The following KCNIP4 variants were observed in gnomAD, a reference collection of about 807,000 sequenced individuals.
The protein encoded by KCNIP4 is potassium voltage-gated channel interacting protein 4.
A neutral mutation model predicts 34.0 loss-of-function variants in KCNIP4; 12 were observed. That is an observed-to-expected ratio of 0.35 (90% confidence interval 0.23 to 0.57). The LOEUF (loss-of-function observed/expected upper bound fraction) is 0.57. Ranked by LOEUF, KCNIP4 falls within the 20% of genes least tolerant of loss-of-function variation. The pLI is 0.83. For missense variants in KCNIP4, 238 were observed against 311.7 expected (o/e 0.76, Z 1.78); for synonymous variants, 124 against 102.2 (o/e 1.21, Z -1.29).
intron 1 of KCNIP4, among the ~76,000 whole-genome samples, chr4:21,397,885 TA>T (rs74644223): frequency 0.22 from 32,753 of 152,164 alleles, 4,317 homozygotes; most frequent in Non-Finnish European, 0.3. Context: ...TTAAAATTCA[TA>T]AAAATGACAT....
chr4:21,741,772 C>T (rs1309898088), intron 1 of KCNIP4, among the ~76,000 whole-genome samples: 2 of 152,116 alleles, frequency 1.3e-5, no homozygotes, highest in African/African-American at 4.8e-5. Context: ...GGCGTGGTGG[C>T]TCATGCCTGT....
intron 1 of KCNIP4, among the ~76,000 whole-genome samples, chr4:21,564,534 T>G (rs1323546046): frequency 6.6e-6 from 1 of 152,166 alleles, no homozygotes; most frequent in Non-Finnish European, 1.5e-5. Flanking sequence ...ATGCCCATGA[T>G]CTTAAAAGCA....
At chr4:21,147,098 G>C (rs575538298) in intron 1 of KCNIP4, among the ~76,000 whole-genome samples, 1 of 152,260 alleles carries the variant, frequency 6.6e-6, no homozygotes, top group African/African-American at 2.4e-5. Flanking sequence ...TCTGGCTTCC[G>C]GTTGGGCTCA....
At chr4:21,908,294 A>G (rs1728108857) in intron 1 of KCNIP4, among the ~76,000 whole-genome samples, 1 of 151,762 alleles carries the variant, frequency 6.6e-6, no homozygotes, top group South Asian at 2.1e-4. Context: ...TTCATTCCCT[A>G]TTGCTCCAAG....
chr4:21,147,155 G>A (rs1429003683), intron 1 of KCNIP4, among the ~76,000 whole-genome samples: 1 of 152,088 alleles, frequency 6.6e-6, no homozygotes, highest in Non-Finnish European at 1.5e-5. Flanking sequence ...AGGTATTCAA[G>A]ATCCCTCCCT....
chr4:21,325,336 ATG>A (rs1714928418), intron 1 of KCNIP4, among the ~76,000 whole-genome samples: 1 of 151,682 alleles, frequency 6.6e-6, no homozygotes, highest in African/African-American at 2.4e-5. Context: ...AGTAGGATGT[ATG>A]TGTCTGTGAA....
intron 1 of KCNIP4, among the ~76,000 whole-genome samples, chr4:21,935,361 C>T (rs1729797968): frequency 6.6e-6 from 1 of 152,030 alleles, no homozygotes; most frequent in African/African-American, 2.4e-5. Context: ...CCTCAGAAAC[C>T]TTAAATGCCT....
At chr4:21,795,507 A>G (rs894601081) in intron 1 of KCNIP4, among the ~76,000 whole-genome samples, 1 of 152,222 alleles carries the variant, frequency 6.6e-6, no homozygotes, top group African/African-American at 2.4e-5. Flanking sequence ...CTTTTCAGAC[A>G]CGGAAAAATT....
chr4:20,938,117 T>G (rs1451750673), intron 1 of KCNIP4, among the ~76,000 whole-genome samples: 1 of 152,128 alleles, frequency 6.6e-6, no homozygotes, highest in Non-Finnish European at 1.5e-5. Flanking sequence ...CTAATGAAAC[T>G]GTCACTTTGA....
intron 4 of KCNIP4, among the ~76,000 whole-genome samples, chr4:20,756,586 G>A (rs73240300): frequency 0.058 from 8,788 of 151,756 alleles, 340 homozygotes; most frequent in Non-Finnish European, 0.09. Flanking sequence ...GTCTCTATTG[G>A]TTGTCGCTGT....
At chr4:21,146,144 A>G (rs1260383376) in intron 1 of KCNIP4, among the ~76,000 whole-genome samples, 2 of 152,300 alleles carry the variant, frequency 1.3e-5, no homozygotes, top group East Asian at 1.9e-4. Flanking sequence ...CACGCCTGTA[A>G]CCCCATCACT....
chr4:21,814,900 A>G (rs1023221803), intron 1 of KCNIP4, among the ~76,000 whole-genome samples: 3 of 152,218 alleles, frequency 2.0e-5, no homozygotes, highest in African/African-American at 7.2e-5. Flanking sequence ...ACTTGTTTCC[A>G]TAAAACTAAG....
At position 21,151,138 on chromosome 4, in the gene KCNIP4, T is replaced by C. The variant is rs1338133511; in HGVS notation, c.62-268429A>G. On this transcript the variant is annotated intron_variant, in intron 1 of 8. Coordinates refer to ENST00000382152, the MANE Select transcript of KCNIP4 (RefSeq NM_025221.6). ...GGAAATACCTGTGTTAGAAGACTTG[T>C]GAAAGAAACCTTTGTTCTTTCACAC... is the stretch of plus-strand genomic sequence containing the variant. Among the ~76,000 whole-genome samples the C allele has an allele frequency of 2.6e-5, 4 of 152,178 alleles. No homozygotes were observed. The East Asian group carries it at 7.7e-4, about 29-fold the overall frequency.
Position 21,289,137 on chromosome 4 carries a change from A to G in KCNIP4, c.62-406428T>C, listed in dbSNP as rs551232782. 3.3e-3 allele frequency among the ~76,000 whole-genome samples: 504 copies of G among 152,294 alleles called. 5 individuals are homozygous for G. Among genetic ancestry groups the G allele is most frequent in the African/African-American group, 0.011 (471 of 41,552 alleles). Reference sequence around the variant, plus strand: ...TATCTTATTTAGTTTAGATTCTAAAACCATAGCATGTTTTTATTAATTTTT... The same window carrying G: ...TATCTTATTTAGTTTAGATTCTAAAGCCATAGCATGTTTTTATTAATTTTT... On this transcript the variant is annotated intron_variant, in intron 1 of 8. Transcript: ENST00000382152.
chr4:21,442,134 A>G (rs1273763411), intron 1 of KCNIP4, among the ~76,000 whole-genome samples: 2 of 152,188 alleles, frequency 1.3e-5, no homozygotes, highest in East Asian at 1.9e-4. Flanking sequence ...TGTACTCTGC[A>G]CTACTATCTT....
chr4:21,147,019 G>A (rs1041375344), intron 1 of KCNIP4, among the ~76,000 whole-genome samples: 13 of 152,032 alleles, frequency 8.6e-5, no homozygotes, highest in African/African-American at 3.1e-4. Context: ...AACATATACT[G>A]TATACTTCTA....
chr4:21,278,301 G>A (rs996891174), intron 1 of KCNIP4, among the ~76,000 whole-genome samples: 3 of 152,036 alleles, frequency 2.0e-5, no homozygotes, highest in African/African-American at 4.8e-5. Flanking sequence ...TTTTACTCAG[G>A]AATTAAGCGT....
At chr4:21,285,699 G>A (rs1446345740) in intron 1 of KCNIP4, among the ~76,000 whole-genome samples, 1 of 152,028 alleles carries the variant, frequency 6.6e-6, no homozygotes, top group Non-Finnish European at 1.5e-5. Flanking sequence ...AAAAAAGCCA[G>A]GCATGGTAGT....
At chr4:21,546,337 G>A (rs901982284) in intron 1 of KCNIP4, among the ~76,000 whole-genome samples, 1 of 152,008 alleles carries the variant, frequency 6.6e-6, no homozygotes, top group African/African-American at 2.4e-5. Flanking sequence ...ATATTGAATG[G>A]GTAGTCTAAA....
Sources: gnomAD v4.1 joint callset for allele counts (sites outside exome capture counted in the v4.1 genomes callset) on GRCh38, gnomAD v4.1.1 for gene constraint, MANE v1.5 for transcripts, NCBI Gene and HGNC (gene_info 2026-07-23, HGNC 2026-07-21) for gene names.